RAP1GDS1: variants seen among roughly 807,000 people sequenced by gnomAD.
The protein encoded by RAP1GDS1 is RAP1, GTP-GDP dissociation stimulator 1.
RAP1GDS1 carries 35 observed loss-of-function variants against 71.1 expected under a neutral mutation model. The ratio of observed to expected loss-of-function variants is 0.49; its 90% confidence interval spans 0.38 to 0.65. The LOEUF is 0.65. Ranked by LOEUF, RAP1GDS1 falls within the 30% of genes least tolerant of loss-of-function variation. RAP1GDS1 has a pLI of 0.00. For missense variants in RAP1GDS1, 663 were observed against 706.1 expected (o/e 0.94, Z 0.69); for synonymous variants, 229 against 243.1 (o/e 0.94, Z 0.54).
intron 9 of RAP1GDS1, 56 bp from the exon 10 acceptor site, chr4:98,418,601 A>G (rs1363413115): frequency 3.4e-6 from 5 of 1,456,500 alleles, no homozygotes; most frequent in Non-Finnish European, 4.6e-6. Flanking sequence ...TCAGTATTAT[A>G]AAGTATTTAT....
chr4:98,437,497 G>C (rs9790573), intron 14 of RAP1GDS1, among the ~76,000 whole-genome samples: 11,607 of 152,050 alleles, frequency 0.076, 496 homozygotes, highest in Admixed American at 0.14. Flanking sequence ...TATTAACTAA[G>C]GAATTTGTTT....
At chr4:98,360,550 G>A (rs1271746550) in intron 4 of RAP1GDS1, among the ~76,000 whole-genome samples, 1 of 152,062 alleles carries the variant, frequency 6.6e-6, no homozygotes. Flanking sequence ...TCAAAGTTTA[G>A]ATATGTGAAA....
chr4:98,348,087 G>T (rs1273364453), intron 3 of RAP1GDS1, among the ~76,000 whole-genome samples: 1 of 151,988 alleles, frequency 6.6e-6, no homozygotes, highest in East Asian at 1.9e-4. Flanking sequence ...TTTACATTAG[G>T]TATATCTCCT....
At chr4:98,270,952 T>C (rs766139897) in intron 1 of RAP1GDS1, among the ~76,000 whole-genome samples, 2 of 152,186 alleles carry the variant, frequency 1.3e-5, no homozygotes, top group African/African-American at 4.8e-5. Flanking sequence ...GCTTACCTTA[T>C]TGTAACAATA....
chr4:98,269,173 C>CAAAAAAAAAAAAAAAAAAAA (rs56015226), intron 1 of RAP1GDS1, among the ~76,000 whole-genome samples: 1 of 56,876 alleles, frequency 1.8e-5, no homozygotes, highest in African/African-American at 6.8e-5. Flanking sequence ...AATTGATCTT[C>CAAAAAAAAAAAAAAAAAAAA]AAAAAAAAAA....
chr4:98,421,971 G>T (rs1223644393), intron 12 of RAP1GDS1, among the ~76,000 whole-genome samples: 1 of 151,956 alleles, frequency 6.6e-6, no homozygotes, highest in Non-Finnish European at 1.5e-5. Context: ...ACTGAGGTGG[G>T]CAGATCATGA....
At chr4:98,336,881 T>G (rs1053180184) in intron 2 of RAP1GDS1, among the ~76,000 whole-genome samples, 5 of 151,706 alleles carry the variant, frequency 3.3e-5, no homozygotes, top group African/African-American at 1.2e-4. Flanking sequence ...GGGTTTTTTT[T>G]GTTTTGTTTT....
intron 2 of RAP1GDS1, among the ~76,000 whole-genome samples, chr4:98,330,970 G>A (rs144747329): frequency 0.018 from 2,797 of 152,284 alleles, 93 homozygotes; most frequent in African/African-American, 0.061. Context: ...AGGTTGTAGC[G>A]AGCCGAGATC....
rs962780354 is a variant in RAP1GDS1, at chr4:98,441,236, T to C, written c.1697-754T>C. ...AACACATCAGTTTCAGTAGTACTGA[T>C]TACATTAAGCTTATTAGACTTCACT... On this transcript the variant is annotated intron_variant, in intron 14 of 14. Transcript: ENST00000408927. 6.1e-6 allele frequency: 4 copies of C among 652,592 alleles called. No individual in the cohort carries two copies. In the East Asian group the frequency reaches 5.5e-4, roughly 89 times the overall value. The allele number at this position is 652,592 out of a possible 1,614,324, so 40.4% of individuals were successfully genotyped here.
intron 2 of RAP1GDS1, among the ~76,000 whole-genome samples, chr4:98,302,733 A>G (rs901091888): frequency 2.6e-5 from 4 of 152,188 alleles, no homozygotes; most frequent in African/African-American, 9.6e-5. Flanking sequence ...CAAGGCCTCC[A>G]TGCAAAAATA....
At chr4:98,265,977 G>C (rs999624997) in intron 1 of RAP1GDS1, among the ~76,000 whole-genome samples, 3 of 152,050 alleles carry the variant, frequency 2.0e-5, no homozygotes, top group Non-Finnish European at 4.4e-5. Context: ...AGTTCACTAG[G>C]TATAGTCATG....
chr4:98,332,418 C>T (rs576859649), intron 2 of RAP1GDS1, among the ~76,000 whole-genome samples: 2 of 151,948 alleles, frequency 1.3e-5, no homozygotes, highest in African/African-American at 2.4e-5. Context: ...AGTTTCAGGT[C>T]ACAAAAACAG....
At chr4:98,432,727 T>G (rs1355362402) in intron 12 of RAP1GDS1, among the ~76,000 whole-genome samples, 1 of 152,128 alleles carries the variant, frequency 6.6e-6, no homozygotes, top group Non-Finnish European at 1.5e-5. Context: ...GACTCAGGCT[T>G]TTTAAAATGT....
In RAP1GDS1 at chr4:98,404,500, A is replaced by G; in HGVS notation, c.661A>G (p.Ser221Gly). Residue 221 changes from serine (S) to glycine (G), a missense_variant, in exon 7 of 15, where the codon AGT becomes GGT. Coordinates refer to ENST00000408927, the MANE Select transcript of RAP1GDS1 (RefSeq NM_001100427.2). ...ELESSKEQFA[S>G]TNIAEELVKL... The stretch of plus-strand genomic sequence containing the variant: ...AGAGTCAAGTAAAGAACAGTTTGCC[A>G]GTACAAACATTGCTGAAGAGCTAGT... The G allele has an allele frequency of 1.9e-6, 3 of 1,603,640 alleles. No homozygotes were observed. The highest frequency in any genetic ancestry group is 2.5e-6 in the Non-Finnish European group (3 of 1,176,540).
intron 4 of RAP1GDS1, among the ~76,000 whole-genome samples, chr4:98,367,036 A>G (rs1739599971): frequency 6.6e-6 from 1 of 152,198 alleles, no homozygotes; most frequent in African/African-American, 2.4e-5. Flanking sequence ...ACGTCTCCAG[A>G]GCATGTCAGA....
chr4:98,335,042 C>T lies in RAP1GDS1; in HGVS notation c.113-8097C>T, dbSNP rs989620845. Among the ~76,000 whole-genome samples the T allele has an allele frequency of 5.9e-5, 9 of 151,818 alleles. No individual in the cohort carries two copies. In the South Asian group the frequency reaches 6.2e-4, roughly 10 times the overall value. On this transcript the variant is annotated intron_variant, in intron 2 of 14. Transcript: ENST00000408927. ...GACTGTTTGAGCTCTGGATTTTCCT[C>T]GATATACTTGGTCCATCAGTTAAAA...
chr4:98,442,372 G>T lies in RAP1GDS1; in HGVS notation c.*255G>T. On this transcript the variant is annotated 3_prime_UTR_variant, in exon 15 of 15. Coordinates refer to ENST00000408927, the MANE Select transcript of RAP1GDS1 (RefSeq NM_001100427.2). ...CCTGTTGCTTGAGCTACATTAAGTAGAATGTGCATGTTGTAGTCCTATGAT... is the reference window on the plus strand; with the variant it reads ...CCTGTTGCTTGAGCTACATTAAGTATAATGTGCATGTTGTAGTCCTATGAT... 1 of 381,772 alleles carries T rather than the reference G, an allele frequency of 2.6e-6. No homozygotes were observed. 23.6% of individuals were successfully genotyped at this position (381,772 alleles called of 1,614,324 possible).
intron 4 of RAP1GDS1, among the ~76,000 whole-genome samples, chr4:98,369,424 C>T (rs138255850): frequency 1.5e-3 from 227 of 152,250 alleles, no homozygotes; most frequent in African/African-American, 5.3e-3. Context: ...ATGTTCAATG[C>T]AGCATTATTC....
chr4:98,387,683 T>C (rs1002426614), intron 5 of RAP1GDS1, among the ~76,000 whole-genome samples: 1 of 152,354 alleles, frequency 6.6e-6, no homozygotes, highest in African/African-American at 2.4e-5. Context: ...TTGTCTGTGA[T>C]GTGTGTCAGG....
Sources: gnomAD v4.1 joint callset for allele counts (sites outside exome capture counted in the v4.1 genomes callset) on GRCh38, gnomAD v4.1.1 for gene constraint, MANE v1.5 for transcripts, NCBI Gene and HGNC (gene_info 2026-07-23, HGNC 2026-07-21) for gene names.